Variants in HEG1 observed in about 807,000 individuals in gnomAD.
HEG1 encodes the protein protein HEG homolog 1.
A neutral mutation model predicts 125.6 loss-of-function variants in HEG1; 56 were observed. The observed-to-expected ratio is 0.45, with a 90% CI of 0.36 to 0.56. The LOEUF (loss-of-function observed/expected upper bound fraction) is 0.56, where lower values mean the gene tolerates loss of function less well. Among genes scored for constraint, HEG1 ranks in the 20% least tolerant of loss-of-function variants. The pLI is 0.00. For missense variants in HEG1, 1,523 were observed against 1,670.0 expected (o/e 0.91, Z 1.53); for synonymous variants, 644 against 668.5 (o/e 0.96, Z 0.57).
intron 14 of HEG1, among the ~76,000 whole-genome samples, chr3:124,978,965 T>TC (rs970394471): frequency 4.6e-5 from 7 of 151,808 alleles, no homozygotes; most frequent in African/African-American, 7.3e-5. Flanking sequence ...TCTTTTTTTT[T>TC]CCGAGACGGA....
intron 15 of HEG1, among the ~76,000 whole-genome samples, chr3:124,976,846 G>T (rs1413883585): frequency 6.6e-6 from 1 of 152,138 alleles, no homozygotes; most frequent in Admixed American, 6.5e-5. Context: ...CTTCTTCCAG[G>T]AGTGGAAGCA....
intron 15 of HEG1, among the ~76,000 whole-genome samples, 194 bp from the exon 16 acceptor site, chr3:124,974,099 A>C (rs1411057444): frequency 6.6e-6 from 1 of 152,134 alleles, no homozygotes; most frequent in South Asian, 2.1e-4. Context: ...GTTAGGTGCA[A>C]AAAAAGATAC....
At chr3:125,014,055 TCAAA>T in intron 5 of HEG1, 65 bp from the exon 6 acceptor site, 2 of 1,359,640 alleles carry the variant, frequency 1.5e-6, no homozygotes, top group East Asian at 2.4e-5. Context: ...ATATGCACTA[TCAAA>T]CAGACTTTCA....
chr3:125,037,840 C>T (rs967451795), intron 1 of HEG1, among the ~76,000 whole-genome samples: 3 of 152,214 alleles, frequency 2.0e-5, no homozygotes, highest in Admixed American at 6.5e-5. Flanking sequence ...CTTCTGGCTC[C>T]ACCTCTTTCA....
At chr3:124,992,917 G>T (rs1388951831) in intron 12 of HEG1, among the ~76,000 whole-genome samples, 2 of 152,202 alleles carry the variant, frequency 1.3e-5, no homozygotes, top group Non-Finnish European at 2.9e-5. Context: ...TGTATTAAGG[G>T]CTTTTTGTTA....
intron 16 of HEG1, among the ~76,000 whole-genome samples, 184 bp downstream of exon 16, chr3:124,973,547 A>C (rs1226549810): frequency 3.3e-5 from 5 of 152,222 alleles, no homozygotes; most frequent in Non-Finnish European, 7.3e-5. Context: ...TTCATACCTC[A>C]ATAGCAACAC....
chr3:125,014,105 C>T, intron 5 of HEG1, 115 bp from the exon 6 acceptor site: 2 of 991,086 alleles, frequency 2.0e-6, no homozygotes, highest in Non-Finnish European at 2.9e-6. Flanking sequence ...GTGGGTGAAA[C>T]ACTTGCTTTG....
chr3:125,032,527 G>C (rs544002058), intron 1 of HEG1, among the ~76,000 whole-genome samples: 1 of 152,286 alleles, frequency 6.6e-6, no homozygotes, highest in South Asian at 2.1e-4. Context: ...TCCAGGGGCA[G>C]CCACAAGGCC....
chr3:125,022,903 C>T (rs980320660), intron 3 of HEG1, among the ~76,000 whole-genome samples: 2 of 152,116 alleles, frequency 1.3e-5, no homozygotes, highest in African/African-American at 4.8e-5. Context: ...CCATCAAAAT[C>T]CAGTGGTCGG....
rs757034371 is a variant in HEG1 at position 125,013,272 on chromosome 3, C to A, written c.2307G>T (p.Met769Ile). 7 of 1,613,876 alleles carry A rather than the reference C, an allele frequency of 4.3e-6. No homozygotes were observed. Among genetic ancestry groups the A allele is most frequent in the Non-Finnish European group, 5.1e-6 (6 of 1,179,900 alleles). The change falls in exon 6 of 17, where the codon ATG becomes ATT. Residue 769 changes from methionine to isoleucine, a missense_variant. Physicochemically the swap from Met to Ile is conservative, Grantham distance 10. Transcript: ENST00000311127. Reference sequence around the variant, plus strand: ...GGTCTGCAGTTTGACTACTATGGAGCATTGTCATGAATGATGTCATTGTTG... The same window carrying A: ...GGTCTGCAGTTTGACTACTATGGAGAATTGTCATGAATGATGTCATTGTTG... ...QTSTMTSFMTMLHSSQTADLK... is the reference protein window; with the variant it reads ...QTSTMTSFMTILHSSQTADLK...
chr3:125,031,766 A>G (rs1937506390), intron 1 of HEG1, among the ~76,000 whole-genome samples: 1 of 151,612 alleles, frequency 6.6e-6, no homozygotes, highest in Non-Finnish European at 1.5e-5. Context: ...GCACACATAC[A>G]CATATACACA....
chr3:124,982,775 A>G (rs1936675706), intron 14 of HEG1, among the ~76,000 whole-genome samples: 2 of 152,098 alleles, frequency 1.3e-5, no homozygotes, highest in Admixed American at 6.6e-5. Flanking sequence ...GGGTGGGCAC[A>G]CTCGGACATG....
intron 2 of HEG1, among the ~76,000 whole-genome samples, chr3:125,028,776 C>T (rs887316950): frequency 6.6e-6 from 1 of 152,180 alleles, no homozygotes; most frequent in Non-Finnish European, 1.5e-5. Flanking sequence ...AGCCCCAGCA[C>T]CTTCTTGACA....
At chr3:125,017,152 T>G (rs1034006764) in intron 5 of HEG1, among the ~76,000 whole-genome samples, 1 of 152,124 alleles carries the variant, frequency 6.6e-6, no homozygotes, top group African/African-American at 2.4e-5. Flanking sequence ...CCTCACAGGT[T>G]CAAGTGATTC....
intron 1 of HEG1, among the ~76,000 whole-genome samples, chr3:125,031,681 AC>A (rs1937503749): frequency 2.5e-5 from 2 of 80,410 alleles, no homozygotes; most frequent in African/African-American, 9.8e-5. Context: ...ATACATACAT[AC>A]ACACACACAC....
At chr3:125,030,432 G>A (rs2981543) in intron 1 of HEG1, among the ~76,000 whole-genome samples, 78,173 of 151,930 alleles carry the variant, frequency 0.51, 20,301 homozygotes, top group Middle Eastern at 0.64. Flanking sequence ...GAAAGAGGAA[G>A]AGAAAGAACA....
chr3:124,974,479 A>G (rs1210080471), intron 15 of HEG1, among the ~76,000 whole-genome samples: 5 of 152,064 alleles, frequency 3.3e-5, no homozygotes, highest in Admixed American at 2.0e-4. Context: ...CAGGCCTCCA[A>G]CTCTCCGGGC....
intron 1 of HEG1, among the ~76,000 whole-genome samples, chr3:125,038,934 A>G (rs917997287): frequency 3.3e-5 from 5 of 152,206 alleles, no homozygotes; most frequent in Admixed American, 3.3e-4. Flanking sequence ...CTGGAGGCTT[A>G]GTAGGCTGGT....
At chr3:125,045,181 G>A (rs1006636658) in intron 1 of HEG1, among the ~76,000 whole-genome samples, 8 of 152,190 alleles carry the variant, frequency 5.3e-5, no homozygotes, top group Non-Finnish European at 1.0e-4. Flanking sequence ...AAACCTGTGC[G>A]AATGCTGGCA....
Sources: gnomAD v4.1 joint callset for allele counts (sites outside exome capture counted in the v4.1 genomes callset) on GRCh38, gnomAD v4.1.1 for gene constraint, MANE v1.5 for transcripts, NCBI Gene and HGNC (gene_info 2026-07-23, HGNC 2026-07-21) for gene names.